Variants in TLL1 observed in about 807,000 individuals in gnomAD.
TLL1 encodes the protein tolloid-like protein 1.
Under a neutral mutation model 128.2 loss-of-function variants are expected in TLL1, and 49 were observed. That is an observed-to-expected ratio of 0.38 (90% CI 0.30 to 0.48). The LOEUF is 0.48. Ranked by LOEUF, TLL1 falls within the 20% of genes least tolerant of loss-of-function variation. TLL1 has a pLI of 0.96. For synonymous variants in TLL1, 454 were observed against 418.8 expected (o/e 1.08, Z -1.03); for missense variants, 1,123 against 1,242.0 (o/e 0.90, Z 1.44).
At chr4:165,877,138 A>G (rs1444352914) in intron 1 of TLL1, among the ~76,000 whole-genome samples, 2 of 152,252 alleles carry the variant, frequency 1.3e-5, no homozygotes, top group African/African-American at 4.8e-5. Context: ...CACATTTGTG[A>G]AATAGAATAC....
chr4:166,054,522 G>A (rs900614305), intron 12 of TLL1, among the ~76,000 whole-genome samples: 3 of 151,172 alleles, frequency 2.0e-5, no homozygotes, highest in South Asian at 2.1e-4. Context: ...CCACTAACTC[G>A]TCATCTAGCA....
intron 1 of TLL1, among the ~76,000 whole-genome samples, chr4:165,895,011 C>T (rs1056001356): frequency 2.6e-5 from 4 of 151,710 alleles, no homozygotes; most frequent in African/African-American, 9.7e-5. Context: ...TATAACTTAC[C>T]ACATTTACAT....
chr4:165,943,149 G>GCT (rs1312356298), intron 1 of TLL1, among the ~76,000 whole-genome samples: 1 of 151,990 alleles, frequency 6.6e-6, no homozygotes, highest in African/African-American at 2.4e-5. Flanking sequence ...AGTAAAGATT[G>GCT]CTAGCTCATT....
intron 1 of TLL1, among the ~76,000 whole-genome samples, chr4:165,891,512 A>G (rs767543223): frequency 2.6e-5 from 4 of 152,144 alleles, no homozygotes; most frequent in Non-Finnish European, 5.9e-5. Flanking sequence ...AATTTCTTCC[A>G]TCAGATACCC....
At chr4:166,014,394 C>A in intron 7 of TLL1, 42 bp from the exon 8 acceptor site, 1 of 1,610,428 alleles carries the variant, frequency 6.2e-7, no homozygotes, top group Admixed American at 1.7e-5. Flanking sequence ...CATGAGTTTT[C>A]ATTTGGTGAC....
intron 1 of TLL1, among the ~76,000 whole-genome samples, chr4:165,945,117 T>C (rs545602484): frequency 1.3e-5 from 2 of 152,124 alleles, no homozygotes; most frequent in Admixed American, 6.6e-5. Context: ...CGATGAGGAA[T>C]AGCTGATGAT....
At chr4:165,975,432 C>T (rs1309002817) in intron 1 of TLL1, among the ~76,000 whole-genome samples, 1 of 152,012 alleles carries the variant, frequency 6.6e-6, no homozygotes. Context: ...AAATGTAATG[C>T]TATGCCTAGA....
intron 11 of TLL1, among the ~76,000 whole-genome samples, chr4:166,042,452 A>G (rs1560830414): frequency 6.6e-6 from 1 of 152,080 alleles, no homozygotes; most frequent in South Asian, 2.1e-4. Flanking sequence ...AGAAATTATC[A>G]TTTTCCTTTG....
chr4:165,935,333 T>C (rs1733714033), intron 1 of TLL1, among the ~76,000 whole-genome samples: 2 of 152,308 alleles, frequency 1.3e-5, no homozygotes, highest in South Asian at 2.1e-4. Context: ...AGGAACACAC[T>C]TGGGAAGTTA....
chr4:166,060,005 C>G (rs992029175), intron 14 of TLL1, 23 bp from the exon 15 acceptor site: 16 of 1,611,952 alleles, frequency 9.9e-6, no homozygotes, highest in Middle Eastern at 1.6e-4. Context: ...GAGAATATAC[C>G]TTTTTCTTTT....
chr4:166,033,832 G>A (rs573997473), intron 9 of TLL1, among the ~76,000 whole-genome samples: 7 of 152,212 alleles, frequency 4.6e-5, no homozygotes, highest in East Asian at 1.9e-4. Flanking sequence ...TGATAGAAGC[G>A]CATGGTATTG....
intron 1 of TLL1, among the ~76,000 whole-genome samples, chr4:165,978,224 TG>T (rs367829315): frequency 6.6e-4 from 101 of 152,236 alleles, no homozygotes; most frequent in Middle Eastern, 3.4e-3. Flanking sequence ...GGGAGTTTTT[TG>T]GGTGCCAGTG....
chr4:166,078,217 G>T (rs773292078), intron 18 of TLL1, among the ~76,000 whole-genome samples, 187 bp downstream of exon 18: 2 of 152,028 alleles, frequency 1.3e-5, no homozygotes, highest in Non-Finnish European at 2.9e-5. Context: ...TGACTGCCAC[G>T]TTGTTCTCCT....
chr4:165,874,161 C>T (rs545128419), intron 1 of TLL1, 88 bp downstream of exon 1: 2 of 1,510,156 alleles, frequency 1.3e-6, no homozygotes, highest in South Asian at 1.1e-5. Flanking sequence ...TCACCTGTTT[C>T]CTTCCCTCCC....
At chr4:166,023,398 C>A (rs987141582) in intron 8 of TLL1, among the ~76,000 whole-genome samples, 10 of 152,048 alleles carry the variant, frequency 6.6e-5, no homozygotes, top group Non-Finnish European at 1.5e-4. Flanking sequence ...AGACTCTTTC[C>A]CCAAAGAAAA....
chr4:166,044,621 T>C (rs1473912554), intron 12 of TLL1, among the ~76,000 whole-genome samples: 1 of 152,214 alleles, frequency 6.6e-6, no homozygotes, highest in South Asian at 2.1e-4. Context: ...TGATTGACAG[T>C]TGAACTTTGT....
intron 1 of TLL1, among the ~76,000 whole-genome samples, chr4:165,953,462 C>T (rs1030549597): frequency 2.0e-5 from 3 of 151,260 alleles, no homozygotes; most frequent in African/African-American, 7.3e-5. Flanking sequence ...CTTGACGGAG[C>T]ATCTATTTAT....
intron 10 of TLL1, among the ~76,000 whole-genome samples, 190 bp from the exon 11 acceptor site, chr4:166,041,837 T>C (rs1028324475): frequency 4.6e-5 from 7 of 152,150 alleles, no homozygotes; most frequent in African/African-American, 1.7e-4. Flanking sequence ...ACTTTATAAA[T>C]ATATATGAAG....
chr4:166,049,621 CT>C (rs59558982), intron 12 of TLL1, among the ~76,000 whole-genome samples: 18,029 of 150,820 alleles, frequency 0.12, 1,164 homozygotes, highest in African/African-American at 0.17. Flanking sequence ...CATGTTTGAA[CT>C]TTTTTTTGAG....
Sources: allele counts gnomAD v4.1 joint callset (sites outside exome capture counted in the v4.1 genomes callset), GRCh38; gene constraint gnomAD v4.1.1; transcripts MANE v1.5; gene names NCBI Gene and HGNC (gene_info 2026-07-23, HGNC 2026-07-21).